Variants in ATP10D observed in about 807,000 individuals in gnomAD.
The protein encoded by ATP10D is ATPase phospholipid transporting 10D (putative).
ATP10D carries 89 observed loss-of-function variants against 144.8 expected under a neutral mutation model. The observed-to-expected ratio is 0.61, with a 90% confidence interval of 0.52 to 0.73. The LOEUF is 0.73. Among genes scored for constraint, ATP10D ranks in the 30% least tolerant of loss-of-function variants. The probability of loss-of-function intolerance (pLI) is 0.00; values close to 1 mark genes in which losing one functional copy is unlikely to be tolerated. For synonymous variants in ATP10D, 571 were observed against 615.1 expected, an observed-to-expected ratio of 0.93 and a Z score of 1.06; for missense variants, 1,603 against 1,714.8, an observed-to-expected ratio of 0.93 and a Z score of 1.15.
At chr4:47,529,183 C>G (rs1307795826) in intron 5 of ATP10D, among the ~76,000 whole-genome samples, 4 of 152,034 alleles carry the variant, frequency 2.6e-5, no homozygotes, top group Non-Finnish European at 4.4e-5. Context: ...GTTGCATTTG[C>G]TTTCGAAGTC....
chr4:47,544,159 C>A (rs1372028031), intron 9 of ATP10D, among the ~76,000 whole-genome samples: 2 of 152,028 alleles, frequency 1.3e-5, no homozygotes, highest in Non-Finnish European at 2.9e-5. Flanking sequence ...TGAGATGGGG[C>A]AAATTACTTA....
At chr4:47,527,714 T>C (rs568700792) in intron 5 of ATP10D, among the ~76,000 whole-genome samples, 166 of 152,292 alleles carry the variant, frequency 1.1e-3, no homozygotes, top group African/African-American at 3.8e-3. Flanking sequence ...CTTTACCTGC[T>C]ACAATTAAAA....
rs539031001 is a variant in ATP10D, at chr4:47,570,912, A to G, written c.3164-1242A>G. Among the ~76,000 whole-genome samples, 9 of 152,278 alleles carry G rather than the reference A, an allele frequency of 5.9e-5. No individual in the cohort carries two copies. The East Asian group carries it at 1.7e-3, about 29-fold the overall frequency. On this transcript the variant is annotated intron_variant, in intron 16 of 22. Transcript: ENST00000273859. ...AAGAGAATTGTAGTATGAGATTAAG[A>G]TCTCAGAGACTCCAGTGTTAAACTG...
intron 21 of ATP10D, 69 bp from the exon 22 acceptor site, chr4:47,586,950 G>T (rs1720816439): frequency 5.6e-6 from 8 of 1,435,072 alleles, no homozygotes; most frequent in African/African-American, 1.4e-5. Flanking sequence ...TAATGGAGCA[G>T]ATTTGTCCGG....
chr4:47,496,695 T>C (rs1201300646), intron 1 of ATP10D, among the ~76,000 whole-genome samples: 4 of 152,150 alleles, frequency 2.6e-5, no homozygotes, highest in African/African-American at 9.7e-5. Flanking sequence ...TTTTTTTAGG[T>C]TACTACTGAA....
intron 12 of ATP10D, among the ~76,000 whole-genome samples, 168 bp downstream of exon 12, chr4:47,558,441 G>A (rs1719110737): frequency 6.6e-6 from 1 of 152,148 alleles, no homozygotes; most frequent in African/African-American, 2.4e-5. Context: ...GTAAGTTTTG[G>A]GGCTACCCAG....
chr4:47,523,670 C>T (rs1717087301), intron 4 of ATP10D, among the ~76,000 whole-genome samples: 1 of 152,162 alleles, frequency 6.6e-6, no homozygotes, highest in Non-Finnish European at 1.5e-5. Context: ...TGAATCACAA[C>T]TCTGCTATTA....
Position 47,515,663 on chromosome 4 carries a change from T to C in ATP10D, c.478T>C (p.Tyr160His). ...GATCAATAATTTAATAACTAAAGTT[T>C]ATAGTAGGTAAGTGTAATGGGACCT... ...KQINNLITKVYSRKEKKYIDR... is the reference protein window; with the variant it reads ...KQINNLITKVHSRKEKKYIDR... The change falls in exon 3 of 23, where the codon TAT becomes CAT. Residue 160 changes from tyrosine to histidine, a missense_variant. Coordinates refer to ENST00000273859, the MANE Select transcript of ATP10D (RefSeq NM_020453.4). 1.3e-6 allele frequency: 2 copies of C among 1,591,882 alleles called. No homozygotes were observed. Among genetic ancestry groups the C allele is most frequent in the Non-Finnish European group, 1.7e-6 (2 of 1,160,310 alleles).
chr4:47,568,951 G>A lies in ATP10D; in HGVS notation c.2968G>A (p.Asp990Asn). 3.7e-6 allele frequency: 6 copies of A among 1,614,170 alleles called. No individual in the cohort carries two copies. The highest frequency in any genetic ancestry group is 5.1e-6 in the Non-Finnish European group (6 of 1,180,038). The change falls in exon 16 of 23, where the codon GAC (aspartate) becomes AAC (asparagine). Residue 990 changes from aspartate to asparagine, a missense_variant. Transcript: ENST00000273859. ...TTTACTTCAGCCTCCTGTCCCCCGG[G>A]ACTCAGGGTTACGAGCTGGACTCAT... ...EDLLQPPVPR[D>N]SGLRAGLIIT...
intron 18 of ATP10D, 125 bp downstream of exon 18, chr4:47,573,122 G>A: frequency 8.3e-7 from 1 of 1,198,768 alleles, no homozygotes; most frequent in South Asian, 1.6e-5. Flanking sequence ...GAACAGCCAG[G>A]ACTGGTCTTG....
chr4:47,499,053 C>A (rs958265736), intron 1 of ATP10D, among the ~76,000 whole-genome samples: 1 of 152,150 alleles, frequency 6.6e-6, no homozygotes, highest in East Asian at 1.9e-4. Context: ...TGAAACTTAA[C>A]TGTTTATCTC....
rs1243245619 is a variant in ATP10D at position 47,591,747 on chromosome 4, T to C, written c.*366T>C. The C allele has an allele frequency of 6.3e-6, 1 of 159,828 alleles. No homozygotes were observed. Among genetic ancestry groups the C allele is most frequent in the East Asian group, 1.8e-4 (1 of 5,554 alleles). The allele number at this position is 159,828 out of a possible 1,614,324, so 9.9% of individuals were successfully genotyped here. A position where few individuals can be genotyped will look rare whatever the true frequency, so the allele number is the denominator to read the frequency against. On this transcript the variant is annotated 3_prime_UTR_variant, in exon 23 of 23. Transcript: ENST00000273859. ...TTATATTCTAGGGAAATGCTTTAAA[T>C]GGTCAGGCTCCAGTCGGAATTTTTT...
intron 1 of ATP10D, among the ~76,000 whole-genome samples, chr4:47,488,057 A>T (rs1281208363): frequency 6.6e-6 from 1 of 152,218 alleles, no homozygotes; most frequent in Non-Finnish European, 1.5e-5. Context: ...TAAGGAAATA[A>T]TATGAATCGC....
At position 47,563,751 on chromosome 4, in the gene ATP10D, A is replaced by G; in HGVS notation, c.2839A>G (p.Asn947Asp). 1.2e-6 allele frequency: 2 copies of G among 1,607,274 alleles called. No homozygotes were observed. The highest frequency in any genetic ancestry group is 1.7e-6 in the Non-Finnish European group (2 of 1,177,328). The change falls in exon 15 of 23, where the codon AAT becomes GAT. Residue 947 changes from asparagine (N) to aspartate (D), a missense_variant. Asn to Asp is a conservative substitution (Grantham distance 23). Transcript: ENST00000273859. ...LEPDDKLFIL[N>D]TQSKDACGML... Reference sequence around the variant, plus strand: ...GCCAGATGACAAGCTTTTTATCCTCAATACCCAAAGTAAAGTGCGTATATT... The same window carrying G: ...GCCAGATGACAAGCTTTTTATCCTCGATACCCAAAGTAAAGTGCGTATATT...
chr4:47,500,318 C>T (rs1715616786), intron 1 of ATP10D, among the ~76,000 whole-genome samples: 1 of 152,202 alleles, frequency 6.6e-6, no homozygotes, highest in African/African-American at 2.4e-5. Flanking sequence ...AGGAGAATAA[C>T]AAGAGGCAGA....
chr4:47,585,117 G>A (rs1056273868), intron 21 of ATP10D, among the ~76,000 whole-genome samples: 3 of 151,944 alleles, frequency 2.0e-5, no homozygotes, highest in Non-Finnish European at 2.9e-5. Context: ...TCATACTTCC[G>A]ATTATATCAA....
intron 14 of ATP10D, 104 bp from the exon 15 acceptor site, chr4:47,563,477 T>C (rs1330522535): frequency 3.8e-6 from 4 of 1,050,050 alleles, no homozygotes; most frequent in East Asian, 5.1e-5. Flanking sequence ...GTTTATGTAG[T>C]GTAGGGTTGA....
intron 22 of ATP10D, 95 bp from the exon 23 acceptor site, chr4:47,590,947 C>A: frequency 2.1e-6 from 2 of 950,516 alleles, no homozygotes; most frequent in Non-Finnish European, 3.1e-6. Flanking sequence ...GGCCACCAGA[C>A]CCTTTTACTT....
chr4:47,504,024 C>A (rs1259543765), intron 1 of ATP10D, among the ~76,000 whole-genome samples: 5 of 152,104 alleles, frequency 3.3e-5, no homozygotes, highest in Non-Finnish European at 7.4e-5. Context: ...ATATGTACTC[C>A]TACTGGGGAT....
Sources: gnomAD v4.1 joint callset for allele counts (sites outside exome capture counted in the v4.1 genomes callset) on GRCh38, gnomAD v4.1.1 for gene constraint, MANE v1.5 for transcripts, NCBI Gene and HGNC (gene_info 2026-07-23, HGNC 2026-07-21) for gene names.